Variants in SHROOM3 observed in about 807,000 individuals in gnomAD.
SHROOM3 encodes the protein shroom family member 3, also known as protein Shroom3.
Under a neutral mutation model 138.6 loss-of-function variants are expected in SHROOM3, and 47 were observed. That is an observed-to-expected ratio of 0.34 (90% CI 0.27 to 0.43). The LOEUF is 0.43. Among genes scored for constraint, SHROOM3 ranks in the 20% least tolerant of loss-of-function variants. The pLI is 1.00. For missense variants in SHROOM3, 2,491 were observed against 2,596.5 expected, an observed-to-expected ratio of 0.96 and a Z score of 0.88; for synonymous variants, 1,062 against 1,063.3, an observed-to-expected ratio of 1.00 and a Z score of 0.02.
intron 1 of SHROOM3, among the ~76,000 whole-genome samples, chr4:76,491,840 A>G (rs1731857065): frequency 6.6e-6 from 1 of 152,196 alleles, no homozygotes; most frequent in Non-Finnish European, 1.5e-5. Flanking sequence ...GATCACCTTG[A>G]TCTGAGCTTT....
At chr4:76,511,714 G>A (rs1396011393) in intron 1 of SHROOM3, among the ~76,000 whole-genome samples, 1 of 152,198 alleles carries the variant, frequency 6.6e-6, no homozygotes, top group East Asian at 1.9e-4. Context: ...AAACACCCAT[G>A]TGTTGCCAGT....
At position 76,478,240 on chromosome 4, in the gene SHROOM3, G is replaced by A. The variant is rs145133267; in HGVS notation, c.168+42020G>A. Among the ~76,000 whole-genome samples, 531 of 152,276 alleles carry A rather than the reference G, an allele frequency of 3.5e-3. 7 individuals are homozygous for A. The highest frequency in any genetic ancestry group is 0.012 in the African/African-American group (503 of 41,564). On this transcript the variant is annotated intron_variant, in intron 1 of 10. Coordinates refer to ENST00000296043, the MANE Select transcript of SHROOM3 (RefSeq NM_020859.4). The stretch of plus-strand genomic sequence containing the variant: ...TAAGATCCACTGGCTTGAAATTCTC[G>A]CTGCTAGCATAGCAGTCTGAGCTCC...
chr4:76,528,380 C>G (rs1174268432), intron 1 of SHROOM3, among the ~76,000 whole-genome samples: 1 of 130,920 alleles, frequency 7.6e-6, no homozygotes, highest in Non-Finnish European at 1.6e-5. Flanking sequence ...CTTCCTATGT[C>G]CTATGTTGCC....
rs3733245 is a variant in SHROOM3 at position 76,741,078 on chromosome 4, C to T, written c.2905C>T (p.Arg969Trp). The T allele has an allele frequency of 9.0e-4, 1,387 of 1,534,732 alleles. 26 individuals are homozygous for T. In the East Asian group the frequency reaches 0.028, roughly 31 times the overall value. The change falls in exon 5 of 11, where the codon CGG becomes TGG. Residue 969 changes from arginine (R) to tryptophan (W), a missense_variant. By Grantham distance (101) the Arg-to-Trp change is moderately radical (BLOSUM62 -3). Around this residue, in one of 4 missense-constraint regions of SHROOM3, gnomAD observed 1,733 missense variants for 1,661.6 expected, o/e 1.04. Transcript: ENST00000296043. This position sits in a 1 kb window ranked among gnomAD's most constrained non-coding sequence, Gnocchi z 6.2. ...GCCTTCCTCGGCCCACGTGGGGCTG[C>T]GGAGCCCCGAGGCGTCGGCCTCCGC... ...PRPSSAHVGL[R>W]SPEASASASP...
intron 2 of SHROOM3, among the ~76,000 whole-genome samples, chr4:76,563,948 C>T (rs914309554): frequency 3.9e-5 from 6 of 152,230 alleles, no homozygotes; most frequent in Non-Finnish European, 7.3e-5. Flanking sequence ...TGTGTCCCCA[C>T]CACGTGCCAC....
Position 76,741,995 on chromosome 4 carries a change from C to G in SHROOM3, c.3753+69C>G. ...CCCTAGAAGCTTTAGTGGGGCTCCC[C>G]AACCCCCCACACTCTCACCCGCTCT... On this transcript the variant is annotated intron_variant, in intron 5 of 10. Transcript: ENST00000296043. This position sits in a 1 kb window ranked among gnomAD's most constrained non-coding sequence, Gnocchi z 6.2. The G allele has an allele frequency of 6.4e-7, 1 of 1,554,564 alleles. No individual in the cohort carries two copies.
In SHROOM3 at chr4:76,660,550, A is replaced by C. The variant is rs554039406; in HGVS notation, c.324-49606A>C. 1.1e-4 allele frequency among the ~76,000 whole-genome samples: 16 copies of C among 152,216 alleles called. 1 individual carries two copies. The highest frequency in any genetic ancestry group is 3.6e-4 in the African/African-American group (15 of 41,528). ...GAGTGCAGTGGAGCAATCTCGGCTCACTGCAACCTCCGCCTCCCAGATTCA... is the reference window on the plus strand; with the variant it reads ...GAGTGCAGTGGAGCAATCTCGGCTCCCTGCAACCTCCGCCTCCCAGATTCA... On this transcript the variant is annotated intron_variant, in intron 2 of 10. Transcript: ENST00000296043.
At chr4:76,521,986 C>T (rs1432610846) in intron 1 of SHROOM3, among the ~76,000 whole-genome samples, 1 of 151,924 alleles carries the variant, frequency 6.6e-6, no homozygotes, top group South Asian at 2.1e-4. Context: ...TCAATCTAAT[C>T]GTGAGGAAAC....
At chr4:76,676,875 G>A (rs906523814) in intron 2 of SHROOM3, among the ~76,000 whole-genome samples, 7 of 150,498 alleles carry the variant, frequency 4.7e-5, no homozygotes, top group Non-Finnish European at 8.9e-5. Context: ...CCCGGGAGGC[G>A]GAGCTTGCAG....
intron 6 of SHROOM3, among the ~76,000 whole-genome samples, chr4:76,752,802 T>C (rs1721675027): frequency 1.3e-5 from 2 of 152,236 alleles, no homozygotes; most frequent in Admixed American, 1.3e-4. Flanking sequence ...GGGCTGGATC[T>C]TTAAAGGATA....
chr4:76,754,122 G>A (rs1221058596), intron 6 of SHROOM3, among the ~76,000 whole-genome samples, 189 bp from the exon 7 acceptor site: 1 of 152,196 alleles, frequency 6.6e-6, no homozygotes, highest in Non-Finnish European at 1.5e-5. Context: ...AGGAATTTAT[G>A]CCTGCCTAGT....
chr4:76,735,082 G>T (rs116499893), intron 4 of SHROOM3, among the ~76,000 whole-genome samples: 4 of 152,274 alleles, frequency 2.6e-5, no homozygotes, highest in African/African-American at 9.6e-5. Flanking sequence ...AGTGCAGGGA[G>T]CAAGAAGAAG....
At chr4:76,588,624 T>C (rs1734198164) in intron 2 of SHROOM3, among the ~76,000 whole-genome samples, 1 of 152,260 alleles carries the variant, frequency 6.6e-6, no homozygotes, top group Non-Finnish European at 1.5e-5. Flanking sequence ...TGTCCAGCCT[T>C]GGCCCCTGAC....
Position 76,754,827 on chromosome 4 carries a change from C to G in SHROOM3, c.4344C>G (p.Ala1448=). Reference sequence around the variant, plus strand: ...ACAGCCTTCCTGAGGAATCCTCAGCCCCTGATTTTGCAAACCTGAAGCACT... The same window carrying G: ...ACAGCCTTCCTGAGGAATCCTCAGCGCCTGATTTTGCAAACCTGAAGCACT... ...REDSLPEESS[A]PDFANLKHYQ... Residue 1448 remains alanine, a synonymous_variant, in exon 7 of 11, where the codon GCC becomes GCG. Coordinates refer to ENST00000296043, the MANE Select transcript of SHROOM3 (RefSeq NM_020859.4). The G allele has an allele frequency of 6.2e-7, 1 of 1,614,144 alleles. No individual in the cohort carries two copies. The highest frequency in any genetic ancestry group is 8.5e-7 in the Non-Finnish European group (1 of 1,180,022).
intron 1 of SHROOM3, among the ~76,000 whole-genome samples, chr4:76,547,668 G>A (rs747895976): frequency 6.6e-6 from 1 of 152,144 alleles, no homozygotes; most frequent in Non-Finnish European, 1.5e-5. Context: ...GGCGGCTCAT[G>A]CCTGTAATCC....
chr4:76,650,307 G>A (rs560431182), intron 2 of SHROOM3, among the ~76,000 whole-genome samples: 1 of 152,212 alleles, frequency 6.6e-6, no homozygotes, highest in South Asian at 2.1e-4. Flanking sequence ...TGAGAGTGTA[G>A]AGAAAAGGGA....
intron 2 of SHROOM3, among the ~76,000 whole-genome samples, chr4:76,603,754 C>G (rs762255166): frequency 1.3e-5 from 2 of 151,762 alleles, no homozygotes; most frequent in Non-Finnish European, 2.9e-5. Context: ...TGCAAAAGGT[C>G]CTGGTGTGTG....
At position 76,754,918 on chromosome 4, in the gene SHROOM3, C is replaced by T. The variant is rs1479612652; in HGVS notation, c.4435C>T (p.Pro1479Ser). 1.9e-6 allele frequency: 3 copies of T among 1,614,070 alleles called. No individual in the cohort carries two copies. Among genetic ancestry groups the T allele is most frequent in the African/African-American group, 1.3e-5 (1 of 74,912 alleles). The change falls in exon 7 of 11, where the codon CCG (proline) becomes TCG (serine). Residue 1479 changes from proline (P) to serine (S), a missense_variant. This residue lies in a region of SHROOM3 where 1,733 missense variants were observed against 1,661.6 expected (regional missense o/e 1.04). Transcript: ENST00000296043. ...TSDPDTPLGA[P>S]STPGRISLRI... Reference sequence around the variant, plus strand: ...TGACCCAGACACACCTCTTGGGGCCCCGAGCACTCCAGGGAGGATCTCCCT... The same window carrying T: ...TGACCCAGACACACCTCTTGGGGCCTCGAGCACTCCAGGGAGGATCTCCCT...
At chr4:76,603,223 C>T (rs1334328998) in intron 2 of SHROOM3, among the ~76,000 whole-genome samples, 1 of 152,154 alleles carries the variant, frequency 6.6e-6, no homozygotes, top group East Asian at 1.9e-4. Context: ...TCGAAACCAT[C>T]CTGGCTAACA....
Sources: gnomAD v4.1 joint callset for allele counts (sites outside exome capture counted in the v4.1 genomes callset) on GRCh38, gnomAD v4.1.1 for gene constraint, gnomAD v4.1.1 regional missense constraint, Gnocchi (gnomAD v3.1) non-coding constraint, MANE v1.5 for transcripts, NCBI Gene and HGNC (gene_info 2026-07-23, HGNC 2026-07-21) for gene names.